PTPRD: variants seen among roughly 807,000 people sequenced by gnomAD.
The protein encoded by PTPRD is protein tyrosine phosphatase receptor type D, also known as receptor-type tyrosine-protein phosphatase delta.
A neutral mutation model predicts 214.5 loss-of-function variants in PTPRD; 34 were observed. That is an observed-to-expected ratio of 0.16 (90% CI 0.12 to 0.21). The LOEUF (loss-of-function observed/expected upper bound fraction) is 0.21. Among genes scored for constraint, PTPRD ranks in the 10% least tolerant of loss-of-function variants. The probability of loss-of-function intolerance (pLI) is 1.00; values close to 1 mark genes in which losing one functional copy is unlikely to be tolerated. For synonymous variants in PTPRD, 1,128 were observed against 845.7 expected (o/e 1.33, Z -5.79); for missense variants, 2,545 against 2,398.7 (o/e 1.06, Z -1.27).
At position 10,199,782 on chromosome 9, in the gene PTPRD, G is replaced by C. The variant is rs1483305782; in HGVS notation, c.-545+141181C>G. Among the ~76,000 whole-genome samples, 3 of 151,672 alleles carry C rather than the reference G, an allele frequency of 2.0e-5. No individual in the cohort carries two copies. In the East Asian group the frequency reaches 5.8e-4, roughly 29 times the overall value. ...ATCCACCAGATCATTTTGCACATTG[G>C]TTCATGTTTTTGATCTCCTATCTTT... On this transcript the variant is annotated intron_variant, in intron 3 of 45. Transcript: ENST00000381196.
intron 14 of PTPRD, among the ~76,000 whole-genome samples, chr9:8,607,062 G>A (rs571706473): frequency 2.0e-5 from 3 of 152,266 alleles, no homozygotes; most frequent in Non-Finnish European, 4.4e-5. Flanking sequence ...GAAGACATTG[G>A]ACAAAGGATA....
chr9:9,942,659 T>A (rs182387958), intron 4 of PTPRD, among the ~76,000 whole-genome samples: 1 of 152,146 alleles, frequency 6.6e-6, no homozygotes, highest in South Asian at 2.1e-4. Context: ...TTTGCAAATC[T>A]TACAGGTGAA....
intron 10 of PTPRD, among the ~76,000 whole-genome samples, chr9:9,141,291 G>C (rs1041320680): frequency 6.7e-5 from 10 of 148,630 alleles, no homozygotes; most frequent in African/African-American, 2.5e-4. Context: ...ACAGACCCTA[G>C]GTTCCTGAGT....
intron 4 of PTPRD, among the ~76,000 whole-genome samples, chr9:9,995,011 A>T (rs1397657885): frequency 6.6e-6 from 1 of 152,140 alleles, no homozygotes; most frequent in Admixed American, 6.6e-5. Context: ...TACATATATA[A>T]GCAAAATGAG....
At chr9:9,941,011 A>T (rs80135837) in intron 4 of PTPRD, among the ~76,000 whole-genome samples, 5,659 of 152,236 alleles carry the variant, frequency 0.037, 123 homozygotes, top group Non-Finnish European at 0.054. Context: ...ACCAGAAAAA[A>T]AAAGAGTTGT....
chr9:10,414,169 A>G (rs2098464878), intron 2 of PTPRD, among the ~76,000 whole-genome samples: 1 of 151,970 alleles, frequency 6.6e-6, no homozygotes, highest in Admixed American at 6.6e-5. Flanking sequence ...TAAAGAGACA[A>G]CCTACAGAAT....
intron 9 of PTPRD, 58 bp from the exon 10 acceptor site, chr9:9,183,421 T>C (rs547725005): frequency 6.6e-6 from 1 of 152,120 alleles, no homozygotes; most frequent in Non-Finnish European, 1.5e-5. Flanking sequence ...CCCTACATTG[T>C]CTTTAAGATA....
intron 3 of PTPRD, among the ~76,000 whole-genome samples, chr9:10,270,355 T>C (rs1483317758): frequency 6.6e-6 from 1 of 152,168 alleles, no homozygotes; most frequent in African/African-American, 2.4e-5. Context: ...GCAATGCATC[T>C]CTAGTTAAGG....
chr9:9,968,814 C>G (rs868143484), intron 4 of PTPRD, among the ~76,000 whole-genome samples: 25 of 151,878 alleles, frequency 1.6e-4, no homozygotes, highest in African/African-American at 5.8e-4. Flanking sequence ...CATTAGAGAA[C>G]GAGAAAGGAA....
intron 9 of PTPRD, among the ~76,000 whole-genome samples, chr9:9,278,933 C>T (rs1442773201): frequency 6.6e-6 from 1 of 151,300 alleles, no homozygotes; most frequent in East Asian, 2.0e-4. Flanking sequence ...ATATGCTTTA[C>T]TACATCTCTT....
At chr9:9,295,329 G>A (rs1952628247) in intron 9 of PTPRD, among the ~76,000 whole-genome samples, 1 of 151,692 alleles carries the variant, frequency 6.6e-6, no homozygotes, top group African/African-American at 2.4e-5. Context: ...AGCCAAATGA[G>A]TGAATCTTTA....
intron 34 of PTPRD, chr9:8,437,119 T>C (rs1242301746): frequency 2.0e-6 from 2 of 996,728 alleles, no homozygotes; most frequent in Non-Finnish European, 2.9e-6. Context: ...AAACAGACAC[T>C]GAGAAAGGCC....
At chr9:8,837,073 T>A (rs1475188554) in intron 11 of PTPRD, among the ~76,000 whole-genome samples, 1 of 145,316 alleles carries the variant, frequency 6.9e-6, no homozygotes, top group Non-Finnish European at 1.5e-5. Flanking sequence ...TCACCCAGGC[T>A]GGAGTGCAGT....
chr9:10,201,302 A>T (rs2099419343), intron 3 of PTPRD, among the ~76,000 whole-genome samples: 2 of 152,028 alleles, frequency 1.3e-5, no homozygotes, highest in South Asian at 4.1e-4. Flanking sequence ...AATATGTACA[A>T]ATGTGTTAGT....
intron 3 of PTPRD, among the ~76,000 whole-genome samples, chr9:10,045,687 T>A (rs899818583): frequency 1.3e-5 from 2 of 151,744 alleles, no homozygotes; most frequent in African/African-American, 4.8e-5. Flanking sequence ...ATCATTCCTA[T>A]TTTAAATATA....
At chr9:10,105,367 A>C (rs1334569350) in intron 3 of PTPRD, among the ~76,000 whole-genome samples, 1 of 151,836 alleles carries the variant, frequency 6.6e-6, no homozygotes, top group Non-Finnish European at 1.5e-5. Flanking sequence ...CTGCAACATA[A>C]TTTTTAATAA....
At chr9:9,237,526 G>A (rs1465276002) in intron 9 of PTPRD, among the ~76,000 whole-genome samples, 1 of 152,082 alleles carries the variant, frequency 6.6e-6, no homozygotes, top group Admixed American at 6.6e-5. Flanking sequence ...AGAAAGAAAA[G>A]TTTGGGTAGT....
At chr9:8,955,393 A>G (rs763711782) in intron 11 of PTPRD, among the ~76,000 whole-genome samples, 12 of 151,792 alleles carry the variant, frequency 7.9e-5, no homozygotes, top group Non-Finnish European at 1.5e-4. Flanking sequence ...TGCTCAGACT[A>G]TAAGCTCGTA....
chr9:9,369,927 G>A lies in PTPRD; in HGVS notation c.-203+27522C>T, dbSNP rs535582178. On this transcript the variant is annotated intron_variant, in intron 9 of 45. Transcript: ENST00000381196. The stretch of plus-strand genomic sequence containing the variant: ...TCAAAGATCAGATAGTTGTAGATAC[G>A]CGGCATTATTTCTGAGGGCTCTGTT... Among the ~76,000 whole-genome samples, 465 of 152,154 alleles carry A rather than the reference G, an allele frequency of 3.1e-3. 2 individuals are homozygous for A. Among genetic ancestry groups the A allele is most frequent in the African/African-American group, 0.01 (420 of 41,510 alleles).
Sources: gnomAD v4.1 joint callset for allele counts (sites outside exome capture counted in the v4.1 genomes callset) on GRCh38, gnomAD v4.1.1 for gene constraint, MANE v1.5 for transcripts, NCBI Gene and HGNC (gene_info 2026-07-23, HGNC 2026-07-21) for gene names.